PRODH2: variants seen among roughly 807,000 people sequenced by gnomAD.
PRODH2 encodes the protein proline dehydrogenase 2, also known as hydroxyproline dehydrogenase.
A neutral mutation model predicts 51.9 loss-of-function variants in PRODH2; 49 were observed. The observed-to-expected ratio is 0.94, with a 90% CI of 0.75 to 1.20. The LOEUF is 1.20. Ranked by LOEUF, PRODH2 falls within the 50% of genes most tolerant of loss-of-function variation. The probability of loss-of-function intolerance (pLI) is 0.00; values close to 1 mark genes in which losing one functional copy is unlikely to be tolerated. For missense variants in PRODH2, 597 were observed against 610.9 expected (o/e 0.98, Z 0.24); for synonymous variants, 249 against 260.7 (o/e 0.96, Z 0.43).
chr19:35,808,758 G>A (rs1234661883), intron 4 of PRODH2, among the ~76,000 whole-genome samples: 1 of 151,064 alleles, frequency 6.6e-6, no homozygotes, highest in Non-Finnish European at 1.5e-5. Flanking sequence ...CAGAGCCTGG[G>A]TCTTTCTCTC....
In PRODH2 at chr19:35,802,231, T is replaced by A; in HGVS notation, c.1158A>T (p.Gly386=). ...GIPLDGTVCF[G]QLLGMCDHVS... ...CGTGGTCACACATGCCCAGAAGTTGTCCGAAACAGACAGTCCCATCCAGAG... is the reference window on the plus strand; with the variant it reads ...CGTGGTCACACATGCCCAGAAGTTGACCGAAACAGACAGTCCCATCCAGAG... The change falls in exon 9 of 10, where the codon GGA becomes GGT. Residue 386 remains glycine (G), a synonymous_variant. Coordinates refer to ENST00000653904, the MANE Select transcript of PRODH2 (RefSeq NM_021232.2). The A allele has an allele frequency of 6.2e-7, 1 of 1,614,068 alleles. No homozygotes were observed. Among genetic ancestry groups the A allele is most frequent in the South Asian group, 1.1e-5 (1 of 91,078 alleles).
Position 35,806,603 on chromosome 19 carries a change from G to A in PRODH2, c.835-7C>T, listed in dbSNP as rs199648657. ...CCAGCCGCTCGAATGTGTCCTATAG[G>A]GCACGCAGGCAGGTTCTGGTAGGTC... On this transcript the variant is annotated splice_region_variant and splice_polypyrimidine_tract_variant and intron_variant, in intron 6 of 9. Coordinates refer to ENST00000653904, the MANE Select transcript of PRODH2 (RefSeq NM_021232.2). The A allele has an allele frequency of 1.9e-6, 3 of 1,614,074 alleles. No homozygotes were observed. Among genetic ancestry groups the A allele is most frequent in the Non-Finnish European group, 2.5e-6 (3 of 1,179,994 alleles).
Position 35,807,046 on chromosome 19 carries a change from C to T in PRODH2, c.673G>A (p.Ala225Thr). The T allele has an allele frequency of 6.4e-7, 1 of 1,551,042 alleles. No individual in the cohort carries two copies. Among genetic ancestry groups the T allele is most frequent in the Non-Finnish European group, 8.7e-7 (1 of 1,147,346 alleles). ...GTTCCAGCAGGAGGGGTTACCTGTGCCACCCGATGCAGGCGGCTGAGGGAG... is the reference window on the plus strand; with the variant it reads ...GTTCCAGCAGGAGGGGTTACCTGTGTCACCCGATGCAGGCGGCTGAGGGAG... Reference protein sequence around the residue: ...RASLSRLHRVAQYARAQHVRL... With the variant: ...RASLSRLHRVTQYARAQHVRL... The change falls in exon 5 of 10, where the codon GCA becomes ACA. Residue 225 changes from alanine to threonine, a missense_variant. Ala to Thr is a moderately conservative substitution (Grantham distance 58). Coordinates refer to ENST00000653904, the MANE Select transcript of PRODH2 (RefSeq NM_021232.2).
rs1384457366 is a variant in PRODH2, at chr19:35,802,415, C to T, written c.1113-139G>A. The T allele has an allele frequency of 4.0e-6, 3 of 758,780 alleles. No individual in the cohort carries two copies. In the East Asian group the frequency reaches 8.0e-5, roughly 20 times the overall value. 47.0% of individuals were successfully genotyped at this position (758,780 alleles called of 1,614,324 possible). ...ACTCAATGATACATAATAACCAGTC[C>T]TTTGCATTCCTTGAAGGTCCCCCAG... On this transcript the variant is annotated intron_variant, in intron 8 of 9. Transcript: ENST00000653904.
rs1473555217 is a variant in PRODH2 at position 35,806,414 on chromosome 19, G to C, written c.1001+16C>G. 9.3e-6 allele frequency: 15 copies of C among 1,613,634 alleles called. No homozygotes were observed. Among genetic ancestry groups the C allele is most frequent in the Non-Finnish European group, 9.3e-6 (11 of 1,179,990 alleles). ...GTGTTATTATTTCCTGCAGAGGCCA[G>C]CTGGCCCGGGCCTACCTCTGACTGG... On this transcript the variant is annotated intron_variant, in intron 7 of 9. Coordinates refer to ENST00000653904, the MANE Select transcript of PRODH2 (RefSeq NM_021232.2).
chr19:35,810,641 C>T (rs1435404170), intron 4 of PRODH2, among the ~76,000 whole-genome samples: 2 of 152,094 alleles, frequency 1.3e-5, no homozygotes, highest in East Asian at 1.9e-4. Flanking sequence ...CTGCCTCAGC[C>T]TCCCAAGTAA....
At chr19:35,800,394 G>A (rs1341663046) in intron 9 of PRODH2, among the ~76,000 whole-genome samples, 172 bp from the exon 10 acceptor site, 1 of 152,064 alleles carries the variant, frequency 6.6e-6, no homozygotes, top group Non-Finnish European at 1.5e-5. Flanking sequence ...GATTATAGGC[G>A]CTTGCCACGA....
chr19:35,806,910 C>A (rs946131673), intron 5 of PRODH2, 80 bp from the exon 6 acceptor site: 3 of 1,549,114 alleles, frequency 1.9e-6, no homozygotes, highest in African/African-American at 2.7e-5. Flanking sequence ...GGAGGGGTTA[C>A]CTGTGCCACC....
In PRODH2 at chr19:35,807,117, A is replaced by G; in HGVS notation, c.602T>C (p.Leu201Pro). The change falls in exon 5 of 10, where the codon CTC becomes CCC. Residue 201 changes from leucine to proline, a missense_variant. Leu to Pro is a moderately conservative substitution (Grantham distance 98). Transcript: ENST00000653904. ...LAEAMDSGQNLQVSCLNAEQN... is the reference protein window; with the variant it reads ...LAEAMDSGQNPQVSCLNAEQN... ...CTCAGCATTGAGGCAGGAGACCTGG[A>G]GGTTCTAGGGGGCAGCAGGGGAAGT... 6.4e-7 allele frequency: 1 copy of G among 1,551,436 alleles called. No individual in the cohort carries two copies. Among genetic ancestry groups the G allele is most frequent in the Non-Finnish European group, 8.7e-7 (1 of 1,146,486 alleles).
At position 35,806,537 on chromosome 19, in the gene PRODH2, G is replaced by C. The variant is rs116573646; in HGVS notation, c.894C>G (p.Phe298Leu). The C allele has an allele frequency of 2.5e-6, 4 of 1,613,976 alleles. No individual in the cohort carries two copies. In the African/African-American group the frequency reaches 5.3e-5, roughly 22 times the overall value. The change falls in exon 7 of 10, where the codon TTC (phenylalanine) becomes TTG (leucine). Residue 298 changes from phenylalanine (F) to leucine (L), a missense_variant. By Grantham distance (22) the Phe-to-Leu change is conservative. Coordinates refer to ENST00000653904, the MANE Select transcript of PRODH2 (RefSeq NM_021232.2). ...ATGCACCTCGTACCAGCTTCACTCCGAAGGCCAGGCCGGCCCTGTGCGCAG... is the reference window on the plus strand; with the variant it reads ...ATGCACCTCGTACCAGCTTCACTCCCAAGGCCAGGCCGGCCCTGTGCGCAG... ...AEAAHRAGLA[F>L]GVKLVRGAYL...
Position 35,802,272 on chromosome 19 carries a change from A to T in PRODH2, c.1117T>A (p.Trp373Arg), listed in dbSNP as rs1487174709. Residue 373 changes from tryptophan to arginine, a missense_variant, in exon 9 of 10, where the codon TGG (tryptophan) becomes AGG (arginine). Trp to Arg is a moderately radical substitution (Grantham distance 101). Coordinates refer to ENST00000653904, the MANE Select transcript of PRODH2 (RefSeq NM_021232.2). The stretch of plus-strand genomic sequence containing the variant: ...CCATCCAGAGGAATGCCCAGCTCCC[A>T]CATGCTACAGAAAAGGCCACATCAT... The part of the protein sequence containing the change: ...ESVRQATKRM[W>R]ELGIPLDGTV... 6.2e-7 allele frequency: 1 copy of T among 1,614,096 alleles called. No homozygotes were observed. The highest frequency in any genetic ancestry group is 8.5e-7 in the Non-Finnish European group (1 of 1,180,036).
At chr19:35,808,996 T>G (rs1412615691) in intron 4 of PRODH2, among the ~76,000 whole-genome samples, 2 of 152,020 alleles carry the variant, frequency 1.3e-5, no homozygotes, top group African/African-American at 4.8e-5. Flanking sequence ...CCCAGGCTGG[T>G]CTCAAACTCC....
At chr19:35,806,355 A>T in intron 7 of PRODH2, 75 bp downstream of exon 7, 1 of 1,557,718 alleles carries the variant, frequency 6.4e-7, no homozygotes, top group Non-Finnish European at 8.8e-7. Context: ...AAGCACTGGG[A>T]TTACAGGTAT....
At chr19:35,802,859 T>A (rs1439072130) in intron 8 of PRODH2, 109 bp downstream of exon 8, 2 of 766,326 alleles carry the variant, frequency 2.6e-6, no homozygotes, top group Non-Finnish European at 4.0e-6. Context: ...TAAATATTTT[T>A]AAAATTCTCC....
rs775007193 is a variant in PRODH2 at position 35,812,637 on chromosome 19, GC to G, written c.168del (p.Leu57CysfsTer37). ...TCCTCAGGATCACTGCTCACCAACA[GC>G]CCGTGAGTGACGAGTGGGGGCCAGG... ...LCAWPPLVTH[G>X]LLLQAWSRRL... On this transcript the variant is annotated frameshift_variant, in exon 1 of 10. Coordinates refer to ENST00000653904, the MANE Select transcript of PRODH2 (RefSeq NM_021232.2). LOFTEE classifies it high-confidence loss of function. The G allele has an allele frequency of 1.9e-6, 3 of 1,593,270 alleles. No individual in the cohort carries two copies. The South Asian group carries it at 3.4e-5, about 18-fold the overall frequency.
intron 4 of PRODH2, among the ~76,000 whole-genome samples, chr19:35,809,874 G>A (rs1352645343): frequency 3.7e-5 from 5 of 133,654 alleles, no homozygotes; most frequent in South Asian, 2.5e-4. Flanking sequence ...CAGGAGAATC[G>A]TTTGAACCCG....
intron 7 of PRODH2, among the ~76,000 whole-genome samples, chr19:35,803,647 C>T (rs184434534): frequency 2.0e-5 from 3 of 152,276 alleles, no homozygotes; most frequent in African/African-American, 7.2e-5. Context: ...GGGACAGTGG[C>T]GGCGGTCTCA....
rs148473605 is a variant in PRODH2, at chr19:35,806,536, C to T, written c.895G>A (p.Gly299Arg). 725 of 1,614,140 alleles carry T rather than the reference C, an allele frequency of 4.5e-4. No homozygotes were observed. The highest frequency in any genetic ancestry group is 5.0e-4 in the Non-Finnish European group (591 of 1,180,012). ...EAAHRAGLAF[G>R]VKLVRGAYLD... The stretch of plus-strand genomic sequence containing the variant: ...TATGCACCTCGTACCAGCTTCACTC[C>T]GAAGGCCAGGCCGGCCCTGTGCGCA... The change falls in exon 7 of 10, where the codon GGA (glycine) becomes AGA (arginine). Residue 299 changes from glycine (G) to arginine (R), a missense_variant. Gly to Arg is a moderately radical substitution (Grantham distance 125). Coordinates refer to ENST00000653904, the MANE Select transcript of PRODH2 (RefSeq NM_021232.2).
At chr19:35,803,593 A>G (rs999644997) in intron 7 of PRODH2, among the ~76,000 whole-genome samples, 3 of 152,176 alleles carry the variant, frequency 2.0e-5, no homozygotes, top group African/African-American at 7.2e-5. Context: ...TCCGAGCAAC[A>G]CTGTTGTGAG....
Sources: gnomAD v4.1 joint callset for allele counts (sites outside exome capture counted in the v4.1 genomes callset) on GRCh38, gnomAD v4.1.1 for gene constraint, MANE v1.5 for transcripts, NCBI Gene and HGNC (gene_info 2026-07-23, HGNC 2026-07-21) for gene names.